Variants in HSPA4L observed in about 807,000 individuals in gnomAD.
The protein encoded by HSPA4L is heat shock protein family A (Hsp70) member 4 like, also known as heat shock 70 kDa protein 4L.
HSPA4L carries 48 observed loss-of-function variants against 100.3 expected under a neutral mutation model. The observed-to-expected ratio is 0.48, with a 90% confidence interval of 0.38 to 0.61. The LOEUF is 0.61. HSPA4L is among the 20% of genes least tolerant of loss of function. The pLI is 0.00. For synonymous variants in HSPA4L, 319 were observed against 328.2 expected (o/e 0.97, Z 0.30); for missense variants, 886 against 988.6 (o/e 0.90, Z 1.39).
Position 127,804,069 on chromosome 4 carries a change from G to C in HSPA4L, c.967G>C (p.Ala323Pro). ...LLARVEPPLKAVMEQANLQRE... is the reference protein window; with the variant it reads ...LLARVEPPLKPVMEQANLQRE... ...GGCCAGGGTTGAACCACCTTTAAAAGCAGTAATGGAACAAGCTAGTAAGTG... is the reference window on the plus strand; with the variant it reads ...GGCCAGGGTTGAACCACCTTTAAAACCAGTAATGGAACAAGCTAGTAAGTG... Residue 323 changes from alanine to proline, a missense_variant, in exon 8 of 19, where the codon GCA becomes CCA. Ala to Pro is a conservative substitution (Grantham distance 27). Transcript: ENST00000296464. 6.2e-7 allele frequency: 1 copy of C among 1,613,878 alleles called. No individual in the cohort carries two copies. Among genetic ancestry groups the C allele is most frequent in the East Asian group, 2.2e-5 (1 of 44,860 alleles).
rs528255070 is a variant in HSPA4L at position 127,792,878 on chromosome 4, G to A, written c.108-1199G>A. On this transcript the variant is annotated intron_variant, in intron 1 of 18. Coordinates refer to ENST00000296464, the MANE Select transcript of HSPA4L (RefSeq NM_014278.4). ...AAAGGAGTGAGAGCACCAGCCACAT[G>A]GATGTATTTTCTGAACACTTCAGAA... 8.2e-4 allele frequency among the ~76,000 whole-genome samples: 125 copies of A among 152,296 alleles called. 1 individual carries two copies. Among genetic ancestry groups the A allele is most frequent in the African/African-American group, 2.8e-3 (118 of 41,570 alleles).
At chr4:127,792,143 C>T (rs976674244) in intron 1 of HSPA4L, among the ~76,000 whole-genome samples, 5 of 152,132 alleles carry the variant, frequency 3.3e-5, no homozygotes, top group Non-Finnish European at 7.4e-5. Context: ...ATGTAGGGTC[C>T]TCTCCATTAT....
At chr4:127,810,681 C>G (rs1042524187) in intron 11 of HSPA4L, among the ~76,000 whole-genome samples, 1 of 152,068 alleles carries the variant, frequency 6.6e-6, no homozygotes, top group Non-Finnish European at 1.5e-5. Context: ...TTGCTTGAGC[C>G]TGGGAGTTTG....
intron 1 of HSPA4L, among the ~76,000 whole-genome samples, chr4:127,788,794 C>T (rs1159231041): frequency 3.9e-5 from 6 of 152,088 alleles, no homozygotes; most frequent in African/African-American, 1.4e-4. Flanking sequence ...CCCCAGTGAC[C>T]CAACAAAGAA....
At chr4:127,794,928 G>A (rs2061442) in intron 2 of HSPA4L, among the ~76,000 whole-genome samples, 4,561 of 152,208 alleles carry the variant, frequency 0.03, 95 homozygotes, top group Non-Finnish European at 0.048. Flanking sequence ...GTAATATTCT[G>A]TAATTTGAAC....
intron 3 of HSPA4L, 117 bp from the exon 4 acceptor site, chr4:127,798,470 C>T (rs1044788976): frequency 2.1e-6 from 2 of 958,752 alleles, no homozygotes; most frequent in African/African-American, 1.7e-5. Flanking sequence ...ATAAAACTTC[C>T]TTGAGCAAGG....
chr4:127,812,536 C>T (rs997050494), intron 12 of HSPA4L, among the ~76,000 whole-genome samples: 10 of 151,812 alleles, frequency 6.6e-5, no homozygotes, highest in African/African-American at 1.5e-4. Context: ...AATTACACAA[C>T]GTTTTCATCT....
At chr4:127,800,433 A>T (rs1372514750) in intron 4 of HSPA4L, among the ~76,000 whole-genome samples, 1 of 152,190 alleles carries the variant, frequency 6.6e-6, no homozygotes, top group Non-Finnish European at 1.5e-5. Flanking sequence ...GTACCACTGC[A>T]CTTCAGCCTG....
At chr4:127,796,023 G>A (rs189118675) in intron 3 of HSPA4L, 115 bp downstream of exon 3, 45 of 821,062 alleles carry the variant, frequency 5.5e-5, no homozygotes, top group African/African-American at 4.5e-4. Flanking sequence ...CATACACACC[G>A]AAGAGATAGT....
At position 127,837,332 on chromosome 4, in the gene HSPA4L, A is replaced by G. The variant is rs529924171; in HGVS notation, c.*4458A>G. On this transcript the variant is annotated 3_prime_UTR_variant, in exon 19 of 19. Coordinates refer to ENST00000296464, the MANE Select transcript of HSPA4L (RefSeq NM_014278.4). ...ACTGTAAGCAGAATTTTGTTTTGTG[A>G]TATTTTATTGTATAAACTGTTAATG... 6.6e-6 allele frequency: 1 copy of G among 152,332 alleles called. No individual in the cohort carries two copies. Among genetic ancestry groups the G allele is most frequent in the African/African-American group, 2.4e-5 (1 of 41,580 alleles). 9.4% of individuals were successfully genotyped at this position (152,332 alleles called of 1,614,324 possible).
intron 17 of HSPA4L, among the ~76,000 whole-genome samples, chr4:127,828,709 ATT>A (rs1476249642): frequency 6.6e-6 from 1 of 152,142 alleles, no homozygotes; most frequent in African/African-American, 2.4e-5. Context: ...CAGTGTTCAA[ATT>A]GTTCTTATAG....
In HSPA4L at chr4:127,836,441, G is replaced by A. The variant is rs1257487375; in HGVS notation, c.*3567G>A. The A allele has an allele frequency of 6.7e-6, 1 of 150,242 alleles. No individual in the cohort carries two copies. Among genetic ancestry groups the A allele is most frequent in the East Asian group, 2.2e-4 (1 of 4,502 alleles). 9.3% of individuals were successfully genotyped at this position (150,242 alleles called of 1,614,324 possible). On this transcript the variant is annotated 3_prime_UTR_variant, in exon 19 of 19. Transcript: ENST00000296464. The stretch of plus-strand genomic sequence containing the variant: ...GAAGAGCTAAAGGAAAGAATTAAAG[G>A]TTTCTTATGCTTTTTTGGGGGGGGG...
chr4:127,807,623 T>G (rs1733397686), intron 10 of HSPA4L, among the ~76,000 whole-genome samples: 1 of 152,116 alleles, frequency 6.6e-6, no homozygotes, highest in South Asian at 2.1e-4. Context: ...AACAAAAGTT[T>G]CTATTAAAGG....
chr4:127,783,572 T>C, intron 1 of HSPA4L: 1 of 1,531,478 alleles, frequency 6.5e-7, no homozygotes, highest in Non-Finnish European at 8.7e-7. Context: ...AGGAATATAA[T>C]GAAGTAATTC....
At chr4:127,782,761 T>G in intron 1 of HSPA4L, 104 bp downstream of exon 1, 1 of 841,602 alleles carries the variant, frequency 1.2e-6, no homozygotes, top group East Asian at 2.9e-5. Context: ...TCCCCTAACG[T>G]GCGCCGAACC....
chr4:127,823,201 T>C (rs1008823775), intron 15 of HSPA4L, among the ~76,000 whole-genome samples: 1 of 152,182 alleles, frequency 6.6e-6, no homozygotes, highest in Non-Finnish European at 1.5e-5. Flanking sequence ...CAGGCTGGAG[T>C]GCAGTGGCAC....
At chr4:127,828,653 C>G (rs1327922558) in intron 17 of HSPA4L, among the ~76,000 whole-genome samples, 4 of 151,890 alleles carry the variant, frequency 2.6e-5, no homozygotes, top group Admixed American at 6.6e-5. Context: ...TTCAGAAAAC[C>G]TAAAGGAAAA....
At chr4:127,782,226 T>C (rs1207097675), upstream of HSPA4L, 3 of 392,126 alleles carry the variant, frequency 7.7e-6, no homozygotes, top group Non-Finnish European at 1.5e-5. Context: ...GGCCCGGAGC[T>C]GGCTCGGGCG....
intron 1 of HSPA4L, among the ~76,000 whole-genome samples, chr4:127,787,324 C>T (rs961098666): frequency 2.0e-5 from 3 of 152,026 alleles, no homozygotes; most frequent in Non-Finnish European, 4.4e-5. Context: ...GAGGCTTTTA[C>T]CTTTTTTTGT....
Sources: gnomAD v4.1 joint callset for allele counts (sites outside exome capture counted in the v4.1 genomes callset) on GRCh38, gnomAD v4.1.1 for gene constraint, MANE v1.5 for transcripts, NCBI Gene and HGNC (gene_info 2026-07-23, HGNC 2026-07-21) for gene names.